The following BMP8A variants were observed in gnomAD, a reference collection of about 807,000 sequenced individuals.
BMP8A encodes the protein BMP-8A.
A neutral mutation model predicts 36.8 loss-of-function variants in BMP8A; 14 were observed. The ratio of observed to expected loss-of-function variants is 0.38; its 90% CI spans 0.25 to 0.60. The LOEUF is 0.60. Ranked by LOEUF, BMP8A falls within the 20% of genes least tolerant of loss-of-function variation. The probability of loss-of-function intolerance (pLI) is 0.63; values close to 1 mark genes in which losing one functional copy is unlikely to be tolerated. For synonymous variants in BMP8A, 120 were observed against 237.7 expected (o/e 0.50, Z 4.55); for missense variants, 267 against 551.1 (o/e 0.48, Z 5.16).
Position 39,525,835 on chromosome 1 carries a change from A to C in BMP8A, c.*37A>C. Reference sequence around the variant, plus strand: ...CAGCCCTACTGCAGCCACCCTTCTCATCTGGATCGGGCCCTGCAGAGGCAG... The same window carrying C: ...CAGCCCTACTGCAGCCACCCTTCTCCTCTGGATCGGGCCCTGCAGAGGCAG... On this transcript the variant is annotated 3_prime_UTR_variant, in exon 7 of 7. Coordinates refer to ENST00000331593, the MANE Select transcript of BMP8A (RefSeq NM_181809.4). 1 of 1,611,988 alleles carries C rather than the reference A, an allele frequency of 6.2e-7. No homozygotes were observed. Among genetic ancestry groups the C allele is most frequent in the Non-Finnish European group, 8.5e-7 (1 of 1,179,814 alleles).
rs1645494590 is a variant in BMP8A, at chr1:39,527,485, TG to T, written c.*1689del. 6.6e-6 allele frequency among the ~76,000 whole-genome samples: 1 copy of T among 152,194 alleles called. No individual in the cohort carries two copies. The highest frequency in any genetic ancestry group is 2.1e-4 in the South Asian group (1 of 4,828). ...CCATGGGCCCAAGGATGCGCCTCTC[TG>T]GAGTTCACGTGCTGCACCCCCAGGG... On this transcript the variant is annotated 3_prime_UTR_variant, in exon 7 of 7. Transcript: ENST00000331593.
In BMP8A at chr1:39,491,891, C is replaced by T. The variant is rs1455830774; in HGVS notation, c.-101C>T. 3.1e-6 allele frequency: 3 copies of T among 981,220 alleles called. No homozygotes were observed. Among genetic ancestry groups the T allele is most frequent in the Non-Finnish European group, 3.7e-6 (3 of 816,188 alleles). 60.8% of individuals were successfully genotyped at this position (981,220 alleles called of 1,614,324 possible). A position where few individuals can be genotyped will look rare whatever the true frequency, so the allele number is the denominator to read the frequency against. ...AGACGCCGCCCGCCGAGCCCCGCCC[C>T]CTGCTCGCCGAACTCAGCTCCCCGT... is the stretch of plus-strand genomic sequence containing the variant. On this transcript the variant is annotated 5_prime_UTR_variant, in exon 1 of 7. Coordinates refer to ENST00000331593, the MANE Select transcript of BMP8A (RefSeq NM_181809.4).
chr1:39,506,499 G>GC (rs373025725), intron 1 of BMP8A, among the ~76,000 whole-genome samples: 2,884 of 151,384 alleles, frequency 0.019, 40 homozygotes, highest in African/African-American at 0.046. Context: ...GAGCCACCGC[G>GC]CCCCCCCCAA....
intron 1 of BMP8A, among the ~76,000 whole-genome samples, chr1:39,508,607 C>T (rs755996704): frequency 1.2e-4 from 18 of 152,234 alleles, no homozygotes; most frequent in Non-Finnish European, 2.4e-4. Context: ...GCTGTCTGCC[C>T]ATGAACCTTC....
rs558397327 is a variant in BMP8A at position 39,494,499 on chromosome 1, C to T, written c.334+2174C>T. Among the ~76,000 whole-genome samples, 6 of 152,046 alleles carry T rather than the reference C, an allele frequency of 3.9e-5. No individual in the cohort carries two copies. In the East Asian group the frequency reaches 9.7e-4, roughly 25 times the overall value. ...CCCAGTAGCTAGGGCTACAGTCGCA[C>T]ACCACCACACCCAGATAATTTTTAA... On this transcript the variant is annotated intron_variant, in intron 1 of 6. Transcript: ENST00000331593.
intron 1 of BMP8A, among the ~76,000 whole-genome samples, chr1:39,498,201 A>G (rs2004330): frequency 0.4 from 60,587 of 152,082 alleles, 13,137 homozygotes; most frequent in South Asian, 0.7. Context: ...ACCAAAGAAT[A>G]TGCCCACCCC....
chr1:39,529,176 A>G lies in BMP8A; in HGVS notation c.*3378A>G, dbSNP rs537372382. On this transcript the variant is annotated 3_prime_UTR_variant, in exon 7 of 7. Transcript: ENST00000331593. Reference sequence around the variant, plus strand: ...ATGCCTGCGCAGACCTGTGGAATAAACAGCAATTCTGAGCAGGCTCATTTT... The same window carrying G: ...ATGCCTGCGCAGACCTGTGGAATAAGCAGCAATTCTGAGCAGGCTCATTTT... The G allele has an allele frequency of 6.6e-6, 1 of 152,250 alleles. No homozygotes were observed. The highest frequency in any genetic ancestry group is 1.5e-5 in the Non-Finnish European group (1 of 68,046). 9.4% of individuals were successfully genotyped at this position (152,250 alleles called of 1,614,324 possible).
At chr1:39,504,317 G>C (rs1645279782) in intron 1 of BMP8A, among the ~76,000 whole-genome samples, 4 of 152,150 alleles carry the variant, frequency 2.6e-5, no homozygotes, top group Admixed American at 2.0e-4. Context: ...AGTATTTATT[G>C]ATCACTATCT....
chr1:39,519,150 C>G (rs1645413191), intron 3 of BMP8A, among the ~76,000 whole-genome samples: 2 of 118,426 alleles, frequency 1.7e-5, no homozygotes, highest in South Asian at 3.6e-4. Context: ...GTGAGGAAAG[C>G]CTGCAGGACT....
intron 1 of BMP8A, among the ~76,000 whole-genome samples, chr1:39,504,245 C>T (rs1253376217): frequency 6.6e-6 from 1 of 151,754 alleles, no homozygotes; most frequent in African/African-American, 2.4e-5. Flanking sequence ...GAAAAGTGGG[C>T]CCAGGGGACC....
chr1:39,507,664 G>A (rs1645313438), intron 1 of BMP8A, among the ~76,000 whole-genome samples: 1 of 152,156 alleles, frequency 6.6e-6, no homozygotes, highest in South Asian at 2.1e-4. Flanking sequence ...GGCATCTTTG[G>A]GAGATTCCAG....
At chr1:39,517,131 G>A (rs1391791710) in intron 3 of BMP8A, among the ~76,000 whole-genome samples, 1 of 151,890 alleles carries the variant, frequency 6.6e-6, no homozygotes, top group Non-Finnish European at 1.5e-5. Flanking sequence ...GACTACAGGC[G>A]CACATCACAA....
At position 39,492,173 on chromosome 1, in the gene BMP8A, G is replaced by C; in HGVS notation, c.182G>C (p.Arg61Pro). 1 of 1,318,514 alleles carries C rather than the reference G, an allele frequency of 7.6e-7. No individual in the cohort carries two copies. Among genetic ancestry groups the C allele is most frequent in the Non-Finnish European group, 9.6e-7 (1 of 1,041,922 alleles). 81.7% of individuals were successfully genotyped at this position (1,318,514 alleles called of 1,614,324 possible). The change falls in exon 1 of 7, where the codon CGC (arginine) becomes CCC (proline). Residue 61 changes from arginine (R) to proline (P), a missense_variant. Coordinates refer to ENST00000331593, the MANE Select transcript of BMP8A (RefSeq NM_181809.4). Reference sequence around the variant, plus strand: ...GGGCTACCCGGGCGGCCCCGGCCCCGCGCGCCACCCGCCGCCTCCCGGCTG... The same window carrying C: ...GGGCTACCCGGGCGGCCCCGGCCCCCCGCGCCACCCGCCGCCTCCCGGCTG... Reference protein sequence around the residue: ...VLGLPGRPRPRAPPAASRLPA... With the variant: ...VLGLPGRPRPPAPPAASRLPA...
intron 1 of BMP8A, among the ~76,000 whole-genome samples, chr1:39,504,740 G>A (rs868487118): frequency 2.0e-5 from 3 of 152,224 alleles, no homozygotes; most frequent in African/African-American, 4.8e-5. Flanking sequence ...CGGAGGACCC[G>A]CACCAGCACT....
rs1570264263 is a variant in BMP8A at position 39,491,982 on chromosome 1, C to G, written c.-10C>G. On this transcript the variant is annotated 5_prime_UTR_variant, in exon 1 of 7. Transcript: ENST00000331593. Reference sequence around the variant, plus strand: ...GCTGATGTGCGCCCGCTGAGCGCCCCCGGCCCGCCATGGCCGCGCGCCCCG... The same window carrying G: ...GCTGATGTGCGCCCGCTGAGCGCCCGCGGCCCGCCATGGCCGCGCGCCCCG... 4 of 1,078,596 alleles carry G rather than the reference C, an allele frequency of 3.7e-6. No homozygotes were observed. The East Asian group carries it at 2.5e-4, about 67-fold the overall frequency. 66.8% of individuals were successfully genotyped at this position (1,078,596 alleles called of 1,614,324 possible). A position where few individuals can be genotyped will look rare whatever the true frequency, so the allele number is the denominator to read the frequency against.
Position 39,498,268 on chromosome 1 carries a change from G to GC in BMP8A, c.334+5949dup, listed in dbSNP as rs547052317. Among the ~76,000 whole-genome samples, 136 of 152,302 alleles carry GC rather than the reference G, an allele frequency of 8.9e-4. 2 individuals are homozygous for GC. The South Asian group carries it at 0.024, about 27-fold the overall frequency. Reference sequence around the variant, plus strand: ...GGCACAGGGTGGGGAGGTGCACCCAGCCCCCCTCCTCCTGGAACCTCTTTC... The same window carrying GC: ...GGCACAGGGTGGGGAGGTGCACCCAGCCCCCCCTCCTCCTGGAACCTCTTTC... On this transcript the variant is annotated intron_variant, in intron 1 of 6. Coordinates refer to ENST00000331593, the MANE Select transcript of BMP8A (RefSeq NM_181809.4).
At chr1:39,515,569 C>T in intron 3 of BMP8A, 3 of 1,418,180 alleles carry the variant, frequency 2.1e-6, no homozygotes, top group Non-Finnish European at 2.9e-6. Flanking sequence ...GCCATCCGGG[C>T]AGACTTCGCC....
rs767044328 is a variant in BMP8A, at chr1:39,522,464, C to T, written c.930C>T (p.Phe310=). The T allele has an allele frequency of 2.5e-6, 4 of 1,613,796 alleles. No individual in the cohort carries two copies. Among genetic ancestry groups the T allele is most frequent in the Non-Finnish European group, 1.7e-6 (2 of 1,179,814 alleles). ...GTCGGCACGAGCTCTACGTCAGCTT[C>T]CAGGACCTTGGCTGGCTGGTAATTG... is the stretch of plus-strand genomic sequence containing the variant. The part of the protein sequence containing the change: ...VCRRHELYVS[F]QDLGWLDWVI... The change falls in exon 5 of 7, where the codon TTC becomes TTT. Residue 310 remains phenylalanine (F), a synonymous_variant. Transcript: ENST00000331593.
chr1:39,503,605 C>T (rs1645272592), intron 1 of BMP8A, among the ~76,000 whole-genome samples: 1 of 150,760 alleles, frequency 6.6e-6, no homozygotes, highest in Admixed American at 6.6e-5. Context: ...ACCTCTACCT[C>T]CCAGGTTCAA....
Sources: gnomAD v4.1 joint callset for allele counts (sites outside exome capture counted in the v4.1 genomes callset) on GRCh38, gnomAD v4.1.1 for gene constraint, MANE v1.5 for transcripts, NCBI Gene and HGNC (gene_info 2026-07-23, HGNC 2026-07-21) for gene names.